The following ZBTB41 variants were observed in gnomAD, a reference collection of about 807,000 sequenced individuals.
The protein encoded by ZBTB41 is zinc finger and BTB domain-containing protein 41.
ZBTB41 carries 42 observed loss-of-function variants against 87.6 expected under a neutral mutation model. The observed-to-expected ratio is 0.48, with a 90% CI of 0.37 to 0.62. ZBTB41 has a LOEUF of 0.62. Ranked by LOEUF, ZBTB41 falls within the 20% of genes least tolerant of loss-of-function variation. The probability of loss-of-function intolerance (pLI) is 0.00; values close to 1 mark genes in which losing one functional copy is unlikely to be tolerated. For synonymous variants in ZBTB41, 364 were observed against 364.0 expected (o/e 1.00, Z 0.00); for missense variants, 799 against 1,078.9 (o/e 0.74, Z 3.63).
chr1:197,190,123 G>T (rs1370686557), intron 4 of ZBTB41, among the ~76,000 whole-genome samples: 1 of 152,084 alleles, frequency 6.6e-6, no homozygotes, highest in East Asian at 1.9e-4. Flanking sequence ...GTTTTGCCAT[G>T]TTGGCCAGAT....
chr1:197,193,433 A>C (rs6681381), intron 2 of ZBTB41, among the ~76,000 whole-genome samples: 93,223 of 152,084 alleles, frequency 0.61, 31,833 homozygotes, highest in East Asian at 0.91. Context: ...AGTAAGCACT[A>C]ATAAATATTA....
chr1:197,159,899 A>G lies in ZBTB41; in HGVS notation c.2190T>C (p.Asn730=). 2 of 1,613,956 alleles carry G rather than the reference A, an allele frequency of 1.2e-6. No homozygotes were observed. The highest frequency in any genetic ancestry group is 1.7e-6 in the Non-Finnish European group (2 of 1,179,872). The part of the protein sequence containing the change: ...DARPFNCQHC[N]ATFKRKDKLK... The stretch of plus-strand genomic sequence containing the variant: ...GCTTGTCTTTCCGCTTAAATGTTGC[A>G]TTACAGTGCTGACAGTTGAAAGGTC... The change falls in exon 11 of 11, where the codon AAT becomes AAC. Residue 730 remains asparagine (N), a synonymous_variant. Transcript: ENST00000367405.
At position 197,200,577 on chromosome 1, in the gene ZBTB41, A is replaced by G. The variant is rs1284675506; in HGVS notation, c.-104T>C. Reference sequence around the variant, plus strand: ...TAACAGCTTCTGAAGGGGCGTGCCCAAGGGTTTCATGGTCTGCAAAAGAGT... The same window carrying G: ...TAACAGCTTCTGAAGGGGCGTGCCCGAGGGTTTCATGGTCTGCAAAAGAGT... On this transcript the variant is annotated 5_prime_UTR_variant, in exon 2 of 11. Transcript: ENST00000367405. 6.7e-6 allele frequency: 8 copies of G among 1,202,882 alleles called. No homozygotes were observed. Among genetic ancestry groups the G allele is most frequent in the African/African-American group, 1.5e-5 (1 of 65,672 alleles). 74.5% of individuals were successfully genotyped at this position (1,202,882 alleles called of 1,614,324 possible).
At chr1:197,182,769 A>G (rs1332216056) in intron 5 of ZBTB41, among the ~76,000 whole-genome samples, 2 of 152,142 alleles carry the variant, frequency 1.3e-5, no homozygotes, top group East Asian at 1.9e-4. Context: ...TCAAAATGTG[A>G]TATCTAGACC....
chr1:197,168,817 G>C (rs1227273722), intron 10 of ZBTB41, among the ~76,000 whole-genome samples: 1 of 152,032 alleles, frequency 6.6e-6, no homozygotes, highest in Non-Finnish European at 1.5e-5. Flanking sequence ...GAAAAGGTAA[G>C]TCATAGAGGA....
chr1:197,176,461 C>T (rs570269611), intron 8 of ZBTB41, 103 bp downstream of exon 8: 15 of 822,702 alleles, frequency 1.8e-5, no homozygotes, highest in Non-Finnish European at 2.5e-5. Flanking sequence ...TGAGCATAAA[C>T]CAAATTATTA....
intron 7 of ZBTB41, 34 bp from the exon 8 acceptor site, chr1:197,176,704 C>G: frequency 6.8e-7 from 1 of 1,463,268 alleles, no homozygotes; most frequent in East Asian, 2.3e-5. Flanking sequence ...ACCATTAAAA[C>G]TGGTGACATA....
intron 7 of ZBTB41, among the ~76,000 whole-genome samples, chr1:197,177,152 C>G (rs1659628025): frequency 6.6e-6 from 1 of 152,088 alleles, no homozygotes; most frequent in Non-Finnish European, 1.5e-5. Context: ...AATCTCATCT[C>G]AAATTGTAAT....
Position 197,158,522 on chromosome 1 carries a change from G to A in ZBTB41, c.*837C>T, listed in dbSNP as rs894306064. On this transcript the variant is annotated 3_prime_UTR_variant, in exon 11 of 11. Transcript: ENST00000367405. Reference sequence around the variant, plus strand: ...TTAGTGAGATGAAGACATATGCTATGTTGTATTGTCAACATTTCTGAAATA... The same window carrying A: ...TTAGTGAGATGAAGACATATGCTATATTGTATTGTCAACATTTCTGAAATA... 20 of 152,508 alleles carry A rather than the reference G, an allele frequency of 1.3e-4. No individual in the cohort carries two copies. In the East Asian group the frequency reaches 3.7e-3, roughly 28 times the overall value. 9.4% of individuals were successfully genotyped at this position (152,508 alleles called of 1,614,324 possible). A position where few individuals can be genotyped will look rare whatever the true frequency, so the allele number is the denominator to read the frequency against.
chr1:197,159,299 G>T lies in ZBTB41; in HGVS notation c.*60C>A. ...AAATAGCAGCCCCACAAATTTAAAAGCTATCATCTCTACCATTAGCATATA... is the reference window on the plus strand; with the variant it reads ...AAATAGCAGCCCCACAAATTTAAAATCTATCATCTCTACCATTAGCATATA... On this transcript the variant is annotated 3_prime_UTR_variant, in exon 11 of 11. Transcript: ENST00000367405. The T allele has an allele frequency of 6.6e-7, 1 of 1,519,328 alleles. No individual in the cohort carries two copies. The allele number at this position is 1,519,328 out of a possible 1,614,324, so 94.1% of individuals were successfully genotyped here.
intron 10 of ZBTB41, 121 bp from the exon 11 acceptor site, chr1:197,160,135 T>C: frequency 2.9e-6 from 2 of 692,208 alleles, no homozygotes; most frequent in Non-Finnish European, 4.8e-6. Context: ...GCAATAATAC[T>C]GTATACTATC....
In ZBTB41 at chr1:197,157,835, T is replaced by C. The variant is rs1009072199; in HGVS notation, c.*1524A>G. The C allele has an allele frequency of 6.6e-6, 1 of 152,400 alleles. No individual in the cohort carries two copies. Among genetic ancestry groups the C allele is most frequent in the Non-Finnish European group, 1.5e-5 (1 of 67,850 alleles). The allele number at this position is 152,400 out of a possible 1,614,324, so 9.4% of individuals were successfully genotyped here. ...GCCATTACTAATTGATTAAACTTTA[T>C]TCATTAAAACTTCACTGTTTTATTT... is the stretch of plus-strand genomic sequence containing the variant. On this transcript the variant is annotated 3_prime_UTR_variant, in exon 11 of 11. Coordinates refer to ENST00000367405, the MANE Select transcript of ZBTB41 (RefSeq NM_194314.3).
At chr1:197,170,009 C>G (rs1659439995) in intron 10 of ZBTB41, among the ~76,000 whole-genome samples, 1 of 151,782 alleles carries the variant, frequency 6.6e-6, no homozygotes, top group Admixed American at 6.6e-5. Context: ...ATTTACTCAG[C>G]AAATATTTAT....
intron 5 of ZBTB41, among the ~76,000 whole-genome samples, chr1:197,184,146 C>T (rs900532629): frequency 6.6e-6 from 1 of 152,140 alleles, no homozygotes; most frequent in Non-Finnish European, 1.5e-5. Context: ...GAACTAAACT[C>T]TAAAGAAATT....
intron 10 of ZBTB41, among the ~76,000 whole-genome samples, chr1:197,160,234 C>T (rs761218136): frequency 3.9e-5 from 6 of 152,088 alleles, no homozygotes; most frequent in Non-Finnish European, 8.8e-5. Context: ...ATAACACTTA[C>T]TAGCCAAACA....
intron 9 of ZBTB41, among the ~76,000 whole-genome samples, chr1:197,174,533 G>GA (rs1277536046): frequency 6.6e-6 from 1 of 152,012 alleles, no homozygotes; most frequent in Non-Finnish European, 1.5e-5. Flanking sequence ...TGAATTACTT[G>GA]AATGTTTTAC....
chr1:197,160,769 G>T (rs931412756), intron 10 of ZBTB41, among the ~76,000 whole-genome samples: 3 of 152,152 alleles, frequency 2.0e-5, no homozygotes, highest in Admixed American at 1.3e-4. Flanking sequence ...TGGTAAAAGA[G>T]ACTTTGCAGA....
intron 10 of ZBTB41, among the ~76,000 whole-genome samples, chr1:197,169,219 G>A (rs1269799386): frequency 2.0e-5 from 3 of 151,920 alleles, no homozygotes; most frequent in African/African-American, 7.2e-5. Flanking sequence ...AGGAATCCTA[G>A]GGCCATGAAT....
At chr1:197,175,689 A>G (rs942815867) in intron 8 of ZBTB41, among the ~76,000 whole-genome samples, 3 of 151,446 alleles carry the variant, frequency 2.0e-5, no homozygotes, top group Admixed American at 6.6e-5. Flanking sequence ...GTTTTAAAAA[A>G]CAATTACTGT....
Sources: allele counts gnomAD v4.1 joint callset (sites outside exome capture counted in the v4.1 genomes callset), GRCh38; gene constraint gnomAD v4.1.1; transcripts MANE v1.5; gene names NCBI Gene and HGNC (gene_info 2026-07-23, HGNC 2026-07-21).